The following MCTP1 variants were observed in gnomAD, a reference collection of about 807,000 sequenced individuals.
The protein encoded by MCTP1 is multiple C2 and transmembrane domain containing 1.
A neutral mutation model predicts 120.6 loss-of-function variants in MCTP1; 69 were observed. The observed-to-expected ratio is 0.57, with a 90% CI of 0.47 to 0.70. The LOEUF is 0.70. Ranked by LOEUF, MCTP1 falls within the 30% of genes least tolerant of loss-of-function variation. The pLI, the probability that MCTP1 is intolerant of heterozygous loss-of-function variation, is 0.00. For synonymous variants in MCTP1, 529 were observed against 493.1 expected, an observed-to-expected ratio of 1.07 and a Z score of -0.96; for missense variants, 1,203 against 1,248.8, an observed-to-expected ratio of 0.96 and a Z score of 0.55.
At chr5:95,030,709 G>A (rs1339730009) in intron 1 of MCTP1, among the ~76,000 whole-genome samples, 1 of 152,118 alleles carries the variant, frequency 6.6e-6, no homozygotes, top group Admixed American at 6.5e-5. Context: ...TCAAAAATAA[G>A]AAGCAGATGA....
chr5:95,042,889 A>G (rs190396446), intron 1 of MCTP1, among the ~76,000 whole-genome samples: 1 of 152,276 alleles, frequency 6.6e-6, no homozygotes, highest in East Asian at 1.9e-4. Context: ...TCTGATTTTC[A>G]TTACATTTAG....
At chr5:94,899,748 T>C (rs1470370917) in intron 10 of MCTP1, among the ~76,000 whole-genome samples, 3 of 152,222 alleles carry the variant, frequency 2.0e-5, no homozygotes, top group Non-Finnish European at 4.4e-5. Flanking sequence ...GCCATATGGA[T>C]GCACCTGCTA....
At chr5:94,840,993 T>C (rs529333351) in intron 17 of MCTP1, among the ~76,000 whole-genome samples, 3 of 152,292 alleles carry the variant, frequency 2.0e-5, no homozygotes, top group African/African-American at 4.8e-5. Context: ...CCATTTCATA[T>C]AGAGCAGCTA....
intron 19 of MCTP1, among the ~76,000 whole-genome samples, chr5:94,743,989 G>A (rs1439332551): frequency 6.6e-6 from 1 of 151,850 alleles, no homozygotes; most frequent in African/African-American, 2.4e-5. Context: ...TTCTTTTTCT[G>A]AGTCAGGATG....
chr5:95,085,624 G>A (rs1229598837), intron 1 of MCTP1, among the ~76,000 whole-genome samples: 1 of 151,496 alleles, frequency 6.6e-6, no homozygotes, highest in East Asian at 1.9e-4. Context: ...GGAATCGTGG[G>A]GTCATACGAT....
intron 1 of MCTP1, among the ~76,000 whole-genome samples, chr5:95,079,969 A>C (rs1045274003): frequency 2.7e-4 from 41 of 152,266 alleles, no homozygotes; most frequent in Non-Finnish European, 4.7e-4. Context: ...CATAGCCTAA[A>C]AAAGAGTACA....
chr5:94,894,217 T>A (rs1803359134), intron 11 of MCTP1, among the ~76,000 whole-genome samples: 1 of 152,178 alleles, frequency 6.6e-6, no homozygotes, highest in South Asian at 2.1e-4. Flanking sequence ...TAAAAATCAT[T>A]CCTGTGGATA....
chr5:95,079,163 CA>C (rs1754316244), intron 1 of MCTP1, among the ~76,000 whole-genome samples: 1 of 152,134 alleles, frequency 6.6e-6, no homozygotes, highest in Admixed American at 6.5e-5. Context: ...GGGTTTATCT[CA>C]GGGGGGATAA....
chr5:95,231,978 A>G (rs185561943), intron 1 of MCTP1, among the ~76,000 whole-genome samples: 1 of 152,140 alleles, frequency 6.6e-6, no homozygotes, highest in Admixed American at 6.5e-5. Flanking sequence ...GAGCCAGACA[A>G]TTCTTTGTCA....
chr5:95,070,871 G>A (rs1751965302), intron 1 of MCTP1, among the ~76,000 whole-genome samples: 1 of 152,114 alleles, frequency 6.6e-6, no homozygotes, highest in Non-Finnish European at 1.5e-5. Flanking sequence ...TATGTGGGAG[G>A]GGCTGACTTG....
At chr5:94,987,027 G>A (rs903567822) in intron 2 of MCTP1, among the ~76,000 whole-genome samples, 3 of 152,000 alleles carry the variant, frequency 2.0e-5, no homozygotes, top group Non-Finnish European at 4.4e-5. Flanking sequence ...CAATGTAAAG[G>A]CTATGTGAAT....
intron 2 of MCTP1, among the ~76,000 whole-genome samples, chr5:94,971,365 T>TA: frequency 6.6e-6 from 1 of 152,088 alleles, no homozygotes; most frequent in South Asian, 2.1e-4. Flanking sequence ...TGAATGCAAT[T>TA]TAAAAAAAAA....
intron 1 of MCTP1, among the ~76,000 whole-genome samples, chr5:95,072,173 C>A (rs924635390): frequency 4.0e-5 from 6 of 150,394 alleles, no homozygotes; most frequent in African/African-American, 1.2e-4. Flanking sequence ...CTGGAAGAAC[C>A]AATGTACCCC....
intron 12 of MCTP1, among the ~76,000 whole-genome samples, chr5:94,882,546 T>TA (rs1381450364): frequency 1.4e-4 from 12 of 84,534 alleles, no homozygotes; most frequent in African/African-American, 3.5e-4. Flanking sequence ...AAAATATTTT[T>TA]TAAGTTTAAT....
chr5:95,097,901 T>C (rs1427985477), intron 1 of MCTP1, among the ~76,000 whole-genome samples: 2 of 152,204 alleles, frequency 1.3e-5, no homozygotes, highest in African/African-American at 4.8e-5. Context: ...CTAAAGTTCC[T>C]TTTTTCACAC....
rs556663513 is a variant in MCTP1, at chr5:95,061,408, GTTTTTTTTTTTTTTTTTTT to G, written c.721-43943_721-43925del. Among the ~76,000 whole-genome samples, 57 of 33,486 alleles carry G rather than the reference GTTTTTTTTTTTTTTTTTTT, an allele frequency of 1.7e-3. 3 individuals are homozygous for G. The highest frequency in any genetic ancestry group is 2.6e-3 in the African/African-American group (26 of 10,188). The allele number at this position is 33,486 out of a possible 152,430, so 22.0% of individuals were successfully genotyped here. On this transcript the variant is annotated intron_variant, in intron 1 of 22. Transcript: ENST00000515393. ...ATCAATTTTCACAAACCCCTTAAGGGTTTTTTTTTTTTTTTTTTTTTTTTTTTTTTTTTTTTTTTTTTTT... is the reference window on the plus strand; with the variant it reads ...ATCAATTTTCACAAACCCCTTAAGGGTTTTTTTTTTTTTTTTTTTTTTTTT...
chr5:94,792,988 T>C (rs958154928), intron 18 of MCTP1: 3 of 152,200 alleles, frequency 2.0e-5, no homozygotes, highest in African/African-American at 7.2e-5. Flanking sequence ...GAAATTTCCA[T>C]TGAATTGGGC....
At chr5:94,754,660 A>G (rs1409142534) in intron 19 of MCTP1, among the ~76,000 whole-genome samples, 1 of 151,910 alleles carries the variant, frequency 6.6e-6, no homozygotes, top group Non-Finnish European at 1.5e-5. Context: ...GAAGTGCCAA[A>G]GTACGTTTAA....
intron 19 of MCTP1, among the ~76,000 whole-genome samples, chr5:94,761,577 T>C (rs545455645): frequency 2.0e-5 from 3 of 152,312 alleles, no homozygotes; most frequent in Non-Finnish European, 2.9e-5. Flanking sequence ...CTGATAAATC[T>C]TGGATAAAGA....
Sources: allele counts gnomAD v4.1 joint callset (sites outside exome capture counted in the v4.1 genomes callset), GRCh38; gene constraint gnomAD v4.1.1; transcripts MANE v1.5; gene names NCBI Gene and HGNC (gene_info 2026-07-23, HGNC 2026-07-21).